Variants in CYTH1 observed in about 807,000 individuals in gnomAD.
CYTH1 encodes the protein cytohesin 1.
A neutral mutation model predicts 61.8 loss-of-function variants in CYTH1; 18 were observed. The observed-to-expected ratio is 0.29, with a 90% CI of 0.20 to 0.43. CYTH1 has a LOEUF of 0.43. Ranked by LOEUF, CYTH1 falls within the 20% of genes least tolerant of loss-of-function variation. The pLI is 1.00. For synonymous variants in CYTH1, 174 were observed against 184.3 expected, an observed-to-expected ratio of 0.94 and a Z score of 0.45; for missense variants, 336 against 510.5, an observed-to-expected ratio of 0.66 and a Z score of 3.29.
At chr17:78,737,805 G>A (rs1273879414) in intron 1 of CYTH1, among the ~76,000 whole-genome samples, 6 of 152,082 alleles carry the variant, frequency 3.9e-5, no homozygotes, top group African/African-American at 1.4e-4. Context: ...AGCCATTGGT[G>A]ACATTTTGGT....
At chr17:78,703,411 C>CA (rs67437891) in intron 3 of CYTH1, among the ~76,000 whole-genome samples, 6,040 of 66,890 alleles carry the variant, frequency 0.09, 43 homozygotes, top group Non-Finnish European at 0.096. Context: ...ACTCCGTCTC[C>CA]AAAAAAAAAA....
chr17:78,704,151 T>C (rs1755409510), intron 3 of CYTH1, among the ~76,000 whole-genome samples: 2 of 152,168 alleles, frequency 1.3e-5, no homozygotes, highest in South Asian at 4.1e-4. Context: ...ACACGTCACC[T>C]GGGGCCTCAA....
At chr17:78,694,616 G>A (rs1005510463) in intron 10 of CYTH1, among the ~76,000 whole-genome samples, 2 of 152,124 alleles carry the variant, frequency 1.3e-5, no homozygotes, top group African/African-American at 2.4e-5. Flanking sequence ...GGTTGCCCAC[G>A]GAGGCTCGGC....
At chr17:78,698,195 ACG>A in intron 9 of CYTH1, 72 bp downstream of exon 9, 1 of 1,210,870 alleles carries the variant, frequency 8.3e-7, no homozygotes, top group Non-Finnish European at 1.2e-6. Flanking sequence ...ACACGCACGC[ACG>A]CACACACGCA....
At chr17:78,681,154 G>T in intron 11 of CYTH1, 112 bp from the exon 12 acceptor site, 1 of 1,060,160 alleles carries the variant, frequency 9.4e-7, no homozygotes, top group Non-Finnish European at 1.4e-6. Flanking sequence ...AGGACATGAA[G>T]TTCATAAATC....
At chr17:78,724,939 G>T (rs2144561784) in intron 1 of CYTH1, among the ~76,000 whole-genome samples, 1 of 152,326 alleles carries the variant, frequency 6.6e-6, no homozygotes, top group South Asian at 2.1e-4. Context: ...TGTCAAGAGA[G>T]TAGTACTTAT....
At chr17:78,744,637 C>A (rs1175255932) in intron 1 of CYTH1, among the ~76,000 whole-genome samples, 1 of 151,894 alleles carries the variant, frequency 6.6e-6, no homozygotes, top group Non-Finnish European at 1.5e-5. Context: ...TCTATTAGAC[C>A]TTGGGGGAAA....
At chr17:78,772,780 G>C (rs2144760158) in intron 1 of CYTH1, among the ~76,000 whole-genome samples, 1 of 151,744 alleles carries the variant, frequency 6.6e-6, no homozygotes, top group East Asian at 1.9e-4. Flanking sequence ...TCATGATCCG[G>C]CCACCTTGGC....
At chr17:78,774,092 C>T (rs142207023) in intron 1 of CYTH1, among the ~76,000 whole-genome samples, 45 of 152,314 alleles carry the variant, frequency 3.0e-4, no homozygotes, top group African/African-American at 1.1e-3. Context: ...TGTTGATCCT[C>T]ACTGAGGGCA....
At chr17:78,701,971 TC>T in intron 5 of CYTH1, 150 bp downstream of exon 5, 1 of 767,940 alleles carries the variant, frequency 1.3e-6, no homozygotes, top group Non-Finnish European at 2.2e-6. Context: ...CCATCACTAT[TC>T]CCCAGAAAAG....
At chr17:78,753,499 T>A (rs1598910193) in intron 1 of CYTH1, among the ~76,000 whole-genome samples, 1 of 143,264 alleles carries the variant, frequency 7.0e-6, no homozygotes, top group South Asian at 2.3e-4. Flanking sequence ...TATCTCTACT[T>A]AATAAATAAA....
At chr17:78,745,283 T>C (rs2093355509) in intron 1 of CYTH1, among the ~76,000 whole-genome samples, 1 of 152,122 alleles carries the variant, frequency 6.6e-6, no homozygotes, top group Admixed American at 6.6e-5. Flanking sequence ...ACCACAGCCC[T>C]CGGAGGCATC....
chr17:78,746,906 T>G (rs1419169456), intron 1 of CYTH1, among the ~76,000 whole-genome samples: 2 of 151,864 alleles, frequency 1.3e-5, no homozygotes, highest in Non-Finnish European at 2.9e-5. Context: ...ATCACCCCAC[T>G]GCACTCCAGT....
chr17:78,721,810 G>A (rs892035480), intron 1 of CYTH1, among the ~76,000 whole-genome samples: 3 of 152,170 alleles, frequency 2.0e-5, no homozygotes, highest in East Asian at 1.9e-4. Context: ...TTGGAAGGCC[G>A]AGGCTCGTGG....
At position 78,720,854 on chromosome 17, in the gene CYTH1, G is replaced by A. The variant is rs141302476; in HGVS notation, c.23-11122C>T. On this transcript the variant is annotated intron_variant, in intron 1 of 13. Transcript: ENST00000446868. ...TTGCACCACTGCATCCAGCCTGGGC[G>A]ACAGAGAAAGACCCTCTCTCAAAAA... Among the ~76,000 whole-genome samples the A allele has an allele frequency of 9.4e-3, 1,428 of 152,242 alleles. 14 individuals are homozygous for A. Among genetic ancestry groups the A allele is most frequent in the Non-Finnish European group, 0.016 (1,104 of 67,996 alleles).
chr17:78,735,610 C>T (rs1867784615), intron 1 of CYTH1, among the ~76,000 whole-genome samples: 1 of 152,164 alleles, frequency 6.6e-6, no homozygotes, highest in Admixed American at 6.5e-5. Context: ...TTCAGTGTCG[C>T]CCGTGGACAC....
intron 1 of CYTH1, among the ~76,000 whole-genome samples, chr17:78,765,440 G>C (rs948338423): frequency 2.6e-5 from 4 of 152,166 alleles, no homozygotes; most frequent in Non-Finnish European, 4.4e-5. Flanking sequence ...TGGACACAGA[G>C]AAATCGCAGA....
At chr17:78,746,739 C>G (rs914014569) in intron 1 of CYTH1, among the ~76,000 whole-genome samples, 1 of 152,054 alleles carries the variant, frequency 6.6e-6, no homozygotes, top group African/African-American at 2.4e-5. Context: ...CCCAGGAGTT[C>G]AAGACTAGCC....
intron 1 of CYTH1, among the ~76,000 whole-genome samples, chr17:78,756,307 C>G (rs2093401173): frequency 3.3e-5 from 5 of 152,050 alleles, no homozygotes; most frequent in Admixed American, 3.3e-4. Flanking sequence ...AACACCTGAT[C>G]TCAAGTGATC....
Sources: gnomAD v4.1 joint callset for allele counts (sites outside exome capture counted in the v4.1 genomes callset) on GRCh38, gnomAD v4.1.1 for gene constraint, MANE v1.5 for transcripts, NCBI Gene and HGNC (gene_info 2026-07-23, HGNC 2026-07-21) for gene names.